The following IRF9 variants were observed in gnomAD, a reference collection of about 807,000 sequenced individuals.
IRF9 encodes interferon regulatory factor 9.
IRF9 carries 13 observed loss-of-function variants against 44.1 expected under a neutral mutation model. That is an observed-to-expected ratio of 0.29 (90% CI 0.19 to 0.47). The LOEUF is 0.47. Ranked by LOEUF, IRF9 falls within the 20% of genes least tolerant of loss-of-function variation. The probability of loss-of-function intolerance (pLI) is 1.00; values close to 1 mark genes in which losing one functional copy is unlikely to be tolerated. For synonymous variants in IRF9, 189 were observed against 188.5 expected (o/e 1.00, Z -0.02); for missense variants, 373 against 496.1 (o/e 0.75, Z 2.36).
At chr14:24,166,003 C>G (rs199885191) in intron 8 of IRF9, 41 bp downstream of exon 8, 3 of 1,586,648 alleles carry the variant, frequency 1.9e-6, no homozygotes, top group Non-Finnish European at 1.7e-6. Context: ...CTAATGAGAG[C>G]AGAGACAGTG....
At chr14:24,165,696 A>T in intron 7 of IRF9, 151 bp from the exon 8 acceptor site, 1 of 605,672 alleles carries the variant, frequency 1.7e-6, no homozygotes, top group Non-Finnish European at 2.9e-6. Context: ...GGTGAGTAGC[A>T]CTTAGTTCCA....
Position 24,166,201 on chromosome 14 carries a change from TG to T in IRF9, c.*10del. ...GCCATTCTGTCCCTGGTGTAGAGCC[TG>T]GGGGACCCATCTTCCACCTCACCTC... On this transcript the variant is annotated 3_prime_UTR_variant, in exon 9 of 9. Coordinates refer to ENST00000396864, the MANE Select transcript of IRF9 (RefSeq NM_006084.5). The T allele has an allele frequency of 1.2e-6, 2 of 1,611,804 alleles. No individual in the cohort carries two copies. Among genetic ancestry groups the T allele is most frequent in the East Asian group, 2.2e-5 (1 of 44,776 alleles).
chr14:24,164,230 C>G lies in IRF9; in HGVS notation c.649+96C>G. The G allele has an allele frequency of 1.9e-6, 2 of 1,045,460 alleles. No homozygotes were observed. Among genetic ancestry groups the G allele is most frequent in the South Asian group, 2.6e-5 (2 of 75,906 alleles). The allele number at this position is 1,045,460 out of a possible 1,614,324, so 64.8% of individuals were successfully genotyped here. A position where few individuals can be genotyped will look rare whatever the true frequency, so the allele number is the denominator to read the frequency against. On this transcript the variant is annotated intron_variant, in intron 6 of 8. Transcript: ENST00000396864. This position sits in a 1 kb window ranked among gnomAD's most constrained non-coding sequence, Gnocchi z 5.2. ...TTATCTAGTCAGTCAGGGCTTACAGCAAACTGTACCCACATTACCATAGCC... is the reference window on the plus strand; with the variant it reads ...TTATCTAGTCAGTCAGGGCTTACAGGAAACTGTACCCACATTACCATAGCC...
chr14:24,165,032 C>A, intron 7 of IRF9, 77 bp downstream of exon 7: 1 of 1,293,494 alleles, frequency 7.7e-7, no homozygotes, highest in Non-Finnish European at 1.1e-6. Context: ...TTGTTGGGTC[C>A]TGCTACCTCC....
intron 7 of IRF9, chr14:24,165,299 T>C (rs2038509669): frequency 1.5e-6 from 1 of 670,802 alleles, no homozygotes; most frequent in Non-Finnish European, 2.7e-6. Context: ...CTCATGGCCT[T>C]CTCCTACGTA....
rs765412160 is a variant in IRF9 at position 24,162,227 on chromosome 14, T to C, written c.83T>C (p.Val28Ala). The change falls in exon 2 of 9, where the codon GTG becomes GCG. Residue 28 changes from valine (V) to alanine (A), a missense_variant. Physicochemically the swap from Val to Ala is moderately conservative, Grantham distance 64. Transcript: ENST00000396864. ...GTGGAGAGTGGGCAGTTTCCCGGAG[T>C]GTGCTGGGATGATACAGCTAAGACC... ...EQVESGQFPG[V>A]CWDDTAKTMF... 1 of 1,613,666 alleles carries C rather than the reference T, an allele frequency of 6.2e-7. No individual in the cohort carries two copies. The highest frequency in any genetic ancestry group is 8.5e-7 in the Non-Finnish European group (1 of 1,179,938).
chr14:24,162,910 A>G, intron 2 of IRF9, 56 bp from the exon 3 acceptor site: 4 of 1,452,598 alleles, frequency 2.8e-6, no homozygotes, highest in Non-Finnish European at 3.8e-6. Flanking sequence ...GTCCTATTGG[A>G]GGGGCAGGTG....
rs1231026384 is a variant in IRF9, at chr14:24,164,783, C to A, written c.819C>A (p.Ser273Arg). 3.1e-6 allele frequency: 5 copies of A among 1,610,606 alleles called. No homozygotes were observed. The highest frequency in any genetic ancestry group is 4.2e-6 in the Non-Finnish European group (5 of 1,179,940). The change falls in exon 7 of 9, where the codon AGC becomes AGA. Residue 273 changes from serine to arginine, a missense_variant. Transcript: ENST00000396864. The surrounding 1 kb of genome is among the most constrained non-coding windows in gnomAD (Gnocchi z 5.2). ...TGGAGCCCACGCAGCGCCTGCTGAG[C>A]CAGCTTGAGAGGGGCATCCTAGTGG... The part of the protein sequence containing the change: ...GPLEPTQRLL[S>R]QLERGILVAS...
intron 7 of IRF9, 86 bp downstream of exon 7, chr14:24,165,041 C>G (rs1184546745): frequency 8.4e-7 from 1 of 1,186,612 alleles, no homozygotes; most frequent in Non-Finnish European, 1.2e-6. Flanking sequence ...CCTGCTACCT[C>G]CCTATCTGCC....
Position 24,163,982 on chromosome 14 carries a change from T to G in IRF9, c.577+23T>G. 1.9e-6 allele frequency: 3 copies of G among 1,609,572 alleles called. No individual in the cohort carries two copies. The South Asian group carries it at 3.3e-5, about 18-fold the overall frequency. Reference sequence around the variant, plus strand: ...AAGGTACCACCTGCCCTGCCTCTTGTGTCGTCCCCCATGCCACACCCTCTG... The same window carrying G: ...AAGGTACCACCTGCCCTGCCTCTTGGGTCGTCCCCCATGCCACACCCTCTG... On this transcript the variant is annotated intron_variant, in intron 5 of 8. Transcript: ENST00000396864.
In IRF9 at chr14:24,164,509, C is replaced by T. The variant is rs2038498292; in HGVS notation, c.650-105C>T. 3 of 1,114,290 alleles carry T rather than the reference C, an allele frequency of 2.7e-6. No homozygotes were observed. Among genetic ancestry groups the T allele is most frequent in the South Asian group, 3.0e-5 (2 of 66,088 alleles). 69.0% of individuals were successfully genotyped at this position (1,114,290 alleles called of 1,614,324 possible). A position where few individuals can be genotyped will look rare whatever the true frequency, so the allele number is the denominator to read the frequency against. On this transcript the variant is annotated intron_variant, in intron 6 of 8. Coordinates refer to ENST00000396864, the MANE Select transcript of IRF9 (RefSeq NM_006084.5). The surrounding 1 kb of genome is among the most constrained non-coding windows in gnomAD (Gnocchi z 5.2). ...AGTGATAGGAAAACCTGAGAGGAAGCCCCCTGGCTGGTGTGGGGAGGGGAG... is the reference window on the plus strand; with the variant it reads ...AGTGATAGGAAAACCTGAGAGGAAGTCCCCTGGCTGGTGTGGGGAGGGGAG...
At chr14:24,162,003 T>C in intron 1 of IRF9, 141 bp from the exon 2 acceptor site, 1 of 751,150 alleles carries the variant, frequency 1.3e-6, no homozygotes. Context: ...CATAGAGTGT[T>C]GAAATGTGTT....
chr14:24,162,075 C>T (rs1433804415), intron 1 of IRF9, 69 bp from the exon 2 acceptor site: 2 of 1,463,438 alleles, frequency 1.4e-6, no homozygotes, highest in Admixed American at 2.0e-5. Flanking sequence ...GTCTCAATGG[C>T]CAGGGTCTCA....
rs1251268362 is a variant in IRF9, at chr14:24,166,235, T to C, written c.*39T>C. On this transcript the variant is annotated 3_prime_UTR_variant, in exon 9 of 9. Transcript: ENST00000396864. The stretch of plus-strand genomic sequence containing the variant: ...CATCTTCCACCTCACCTCTTTGTTC[T>C]TCCTGTCTCCTTTGAAGTAGACTCA... 6.4e-7 allele frequency: 1 copy of C among 1,565,676 alleles called. No homozygotes were observed. The highest frequency in any genetic ancestry group is 8.8e-7 in the Non-Finnish European group (1 of 1,138,310).
chr14:24,163,564 A>G, intron 4 of IRF9, 56 bp downstream of exon 4: 1 of 1,575,012 alleles, frequency 6.3e-7, no homozygotes, highest in Non-Finnish European at 8.7e-7. Flanking sequence ...AACCAGAGGG[A>G]GAGGTGGGCC....
rs2038524551 is a variant in IRF9, at chr14:24,166,503, A to G, written c.*307A>G. ...TGACCTCCCAACTCTAAAGCCAAGC[A>G]CTTTATATTTTCCTCTTAGATATTC... On this transcript the variant is annotated 3_prime_UTR_variant, in exon 9 of 9. Coordinates refer to ENST00000396864, the MANE Select transcript of IRF9 (RefSeq NM_006084.5). The G allele has an allele frequency of 2.2e-6, 1 of 460,414 alleles. No individual in the cohort carries two copies. The highest frequency in any genetic ancestry group is 2.0e-5 in the African/African-American group (1 of 49,730). 28.5% of individuals were successfully genotyped at this position (460,414 alleles called of 1,614,324 possible). A position where few individuals can be genotyped will look rare whatever the true frequency, so the allele number is the denominator to read the frequency against.
chr14:24,162,069 C>G (rs2038463577), intron 1 of IRF9, 75 bp from the exon 2 acceptor site: 3 of 1,419,598 alleles, frequency 2.1e-6, no homozygotes, highest in Non-Finnish European at 2.9e-6. Flanking sequence ...AATCTAGTCT[C>G]AATGGCCAGG....
chr14:24,164,568 A>G lies in IRF9; in HGVS notation c.650-46A>G. 6.6e-7 allele frequency: 1 copy of G among 1,523,020 alleles called. No individual in the cohort carries two copies. Among genetic ancestry groups the G allele is most frequent in the South Asian group, 1.3e-5 (1 of 79,068 alleles). The allele number at this position is 1,523,020 out of a possible 1,614,324, so 94.3% of individuals were successfully genotyped here. ...GTTCCCCTGGGGAGGGGCTGCTGCC[A>G]GCCTGCATGCTCCTCCAGCACCAGG... On this transcript the variant is annotated intron_variant, in intron 6 of 8. Transcript: ENST00000396864. This position sits in a 1 kb window ranked among gnomAD's most constrained non-coding sequence, Gnocchi z 5.2.
chr14:24,162,385 A>G (rs566389075), intron 2 of IRF9, 61 bp downstream of exon 2: 13 of 1,504,702 alleles, frequency 8.6e-6, no homozygotes, highest in Middle Eastern at 1.8e-4. Flanking sequence ...ACACTGGTAC[A>G]CTCATCCTCG....
Sources: allele counts gnomAD v4.1 joint callset, GRCh38; gene constraint gnomAD v4.1.1; non-coding constraint Gnocchi (gnomAD v3.1); transcripts MANE v1.5; gene names NCBI Gene and HGNC (gene_info 2026-07-23, HGNC 2026-07-21).